Variants in SEMA3E observed in about 807,000 individuals in gnomAD.
SEMA3E encodes the protein semaphorin-3E.
Under a neutral mutation model 93.6 loss-of-function variants are expected in SEMA3E, and 49 were observed. The observed-to-expected ratio is 0.52, with a 90% CI of 0.42 to 0.66. SEMA3E has a LOEUF of 0.66. SEMA3E is among the 30% of genes least tolerant of loss of function. SEMA3E has a pLI of 0.00. For synonymous variants in SEMA3E, 363 were observed against 330.7 expected, an observed-to-expected ratio of 1.10 and a Z score of -1.06; for missense variants, 906 against 964.8, an observed-to-expected ratio of 0.94 and a Z score of 0.81.
chr7:83,597,138 A>G (rs1004208325), intron 1 of SEMA3E, among the ~76,000 whole-genome samples: 12 of 152,120 alleles, frequency 7.9e-5, no homozygotes, highest in Admixed American at 4.6e-4. Context: ...CCACATATCT[A>G]TACTCCTGGA....
intron 1 of SEMA3E, among the ~76,000 whole-genome samples, chr7:83,540,656 C>G (rs1791512899): frequency 6.6e-6 from 1 of 152,078 alleles, no homozygotes; most frequent in Non-Finnish European, 1.5e-5. Context: ...AGACTGTTTT[C>G]AACACAAATG....
At chr7:83,529,361 G>T (rs527468638) in intron 1 of SEMA3E, among the ~76,000 whole-genome samples, 2 of 152,152 alleles carry the variant, frequency 1.3e-5, no homozygotes, top group South Asian at 4.1e-4. Context: ...ATTAACCAAG[G>T]TATAGAGGAG....
intron 5 of SEMA3E, among the ~76,000 whole-genome samples, chr7:83,417,727 A>AC (rs1045170147): frequency 6.6e-6 from 1 of 152,084 alleles, no homozygotes; most frequent in African/African-American, 2.4e-5. Flanking sequence ...GCAATTTTTA[A>AC]CCCCAAATTG....
At chr7:83,484,624 C>T (rs1487266231) in intron 2 of SEMA3E, among the ~76,000 whole-genome samples, 1 of 152,094 alleles carries the variant, frequency 6.6e-6, no homozygotes, top group Non-Finnish European at 1.5e-5. Flanking sequence ...TATCACCTCC[C>T]TAGAAAATAT....
chr7:83,421,289 A>T (rs1344293857), intron 4 of SEMA3E, among the ~76,000 whole-genome samples: 1 of 142,040 alleles, frequency 7.0e-6, no homozygotes, highest in East Asian at 1.9e-4. Flanking sequence ...ATGCCATATT[A>T]TGTACAATAT....
At chr7:83,412,956 C>G (rs1435355219) in intron 5 of SEMA3E, among the ~76,000 whole-genome samples, 2 of 151,714 alleles carry the variant, frequency 1.3e-5, no homozygotes, top group African/African-American at 2.4e-5. Flanking sequence ...AAATTGATCC[C>G]CAAGAATTTC....
At chr7:83,407,071 A>AAGCATAATG (rs1301558207) in intron 7 of SEMA3E, 26 bp downstream of exon 7, 28 of 1,612,664 alleles carry the variant, frequency 1.7e-5, no homozygotes, top group Non-Finnish European at 2.0e-5. Context: ...TGAGATAAGC[A>AAGCATAATG]AGCATAATGA....
rs1204423274 is a variant in SEMA3E at position 83,365,316 on chromosome 7, T to C, written c.*2270A>G. The C allele has an allele frequency of 2.0e-5, 3 of 152,156 alleles. No individual in the cohort carries two copies. The highest frequency in any genetic ancestry group is 7.2e-5 in the African/African-American group (3 of 41,444). 9.4% of individuals were successfully genotyped at this position (152,156 alleles called of 1,614,324 possible). ...CAGGCGGGAAGCAAGATTATATACA[T>C]ATATATGTACATATGTGTGTGTATA... On this transcript the variant is annotated 3_prime_UTR_variant, in exon 17 of 17. Coordinates refer to ENST00000643230, the MANE Select transcript of SEMA3E (RefSeq NM_012431.3).
intron 1 of SEMA3E, among the ~76,000 whole-genome samples, chr7:83,542,144 A>T (rs1422860165): frequency 6.6e-6 from 1 of 151,832 alleles, no homozygotes; most frequent in Non-Finnish European, 1.5e-5. Flanking sequence ...GAAGTTCAAG[A>T]TCAGCCTGGG....
At chr7:83,597,323 C>T (rs215319) in intron 1 of SEMA3E, among the ~76,000 whole-genome samples, 3,426 of 152,116 alleles carry the variant, frequency 0.023, 125 homozygotes, top group African/African-American at 0.078. Context: ...GGCCTTATGT[C>T]AAAAAATCTT....
chr7:83,452,149 CTG>C (rs993112369), intron 4 of SEMA3E, among the ~76,000 whole-genome samples: 2 of 145,252 alleles, frequency 1.4e-5, no homozygotes, highest in African/African-American at 5.0e-5. Context: ...GTGTGTGTGT[CTG>C]TGTGTGTGTG....
chr7:83,505,962 C>G (rs1327483100), intron 1 of SEMA3E, among the ~76,000 whole-genome samples: 1 of 143,422 alleles, frequency 7.0e-6, no homozygotes, highest in African/African-American at 2.6e-5. Context: ...TTGCAATGAG[C>G]TGAGATGGCA....
intron 1 of SEMA3E, among the ~76,000 whole-genome samples, chr7:83,503,281 A>G (rs17504676): frequency 0.38 from 57,964 of 151,900 alleles, 11,708 homozygotes; most frequent in East Asian, 0.44. Flanking sequence ...CTTTTTATCC[A>G]TTCCCATCTC....
chr7:83,386,836 A>G (rs1398335941), intron 15 of SEMA3E, 147 bp downstream of exon 15: 1 of 751,304 alleles, frequency 1.3e-6, no homozygotes, highest in East Asian at 2.8e-5. Context: ...CAAAATTTTA[A>G]CTACATGTCA....
chr7:83,633,389 A>G (rs1245992850), intron 1 of SEMA3E, among the ~76,000 whole-genome samples: 3 of 152,192 alleles, frequency 2.0e-5, no homozygotes, highest in African/African-American at 7.2e-5. Flanking sequence ...AACATGTCCA[A>G]GATCACACCA....
At position 83,619,692 on chromosome 7, in the gene SEMA3E, C is replaced by G. The variant is rs550618382; in HGVS notation, c.115+28736G>C. Among the ~76,000 whole-genome samples, 12 of 151,756 alleles carry G rather than the reference C, an allele frequency of 7.9e-5. 1 individual carries two copies. Among genetic ancestry groups the G allele is most frequent in the African/African-American group, 2.9e-4 (12 of 41,462 alleles). On this transcript the variant is annotated intron_variant, in intron 1 of 16. Coordinates refer to ENST00000643230, the MANE Select transcript of SEMA3E (RefSeq NM_012431.3). ...TACTAAGAAGGAGTTATCACACTTG[C>G]CTTGAATTTGTCACATTTGAGATAA...
chr7:83,406,112 A>T (rs2115643757), intron 7 of SEMA3E, 53 bp from the exon 8 acceptor site: 1 of 1,251,038 alleles, frequency 8.0e-7, no homozygotes, highest in South Asian at 1.2e-5. Context: ...TCGACCAACC[A>T]CAGATTTCAT....
At chr7:83,512,743 G>C (rs1399341364) in intron 1 of SEMA3E, among the ~76,000 whole-genome samples, 1 of 152,102 alleles carries the variant, frequency 6.6e-6, no homozygotes, top group Non-Finnish European at 1.5e-5. Context: ...CTTTGAATAT[G>C]ATGATACAAC....
intron 1 of SEMA3E, among the ~76,000 whole-genome samples, chr7:83,565,995 C>CTTTTTTTTT (rs750248438): frequency 1.1e-4 from 12 of 112,744 alleles, no homozygotes; most frequent in African/African-American, 1.4e-4. Flanking sequence ...TGTTTCCACT[C>CTTTTTTTTT]TTTTTTTTTT....
Sources: gnomAD v4.1 joint callset for allele counts (sites outside exome capture counted in the v4.1 genomes callset) on GRCh38, gnomAD v4.1.1 for gene constraint, MANE v1.5 for transcripts, NCBI Gene and HGNC (gene_info 2026-07-23, HGNC 2026-07-21) for gene names.